Variants in GATA2 observed in about 807,000 individuals in gnomAD.
GATA2 encodes endothelial transcription factor GATA-2.
Under a neutral mutation model 35.7 loss-of-function variants are expected in GATA2, and 6 were observed. The observed-to-expected ratio is 0.17, with a 90% CI of 0.09 to 0.33. The LOEUF is 0.33. Among genes scored for constraint, GATA2 ranks in the 10% least tolerant of loss-of-function variants. The pLI is 1.00. For missense variants in GATA2, 541 were observed against 656.6 expected (o/e 0.82, Z 1.92); for synonymous variants, 313 against 274.9 (o/e 1.14, Z -1.37).
chr3:128,484,830 G>A (rs1263004626), intron 3 of GATA2, among the ~76,000 whole-genome samples: 2 of 152,138 alleles, frequency 1.3e-5, no homozygotes, highest in East Asian at 3.9e-4. Context: ...CAGGATCACT[G>A]GCTGGCATCG....
rs2068713540 is a variant in GATA2, at chr3:128,487,091, G to A, written c.-45-15C>T. ...CGGCAACGGCCCTGCGCGAGGAAGGGGGAGTGAGGCGTGCCGCCAGCGCCT... is the reference window on the plus strand; with the variant it reads ...CGGCAACGGCCCTGCGCGAGGAAGGAGGAGTGAGGCGTGCCGCCAGCGCCT... On this transcript the variant is annotated splice_polypyrimidine_tract_variant and intron_variant, in intron 1 of 5. Coordinates refer to ENST00000341105, the MANE Select transcript of GATA2 (RefSeq NM_032638.5). The A allele has an allele frequency of 5.7e-6, 8 of 1,400,030 alleles. No homozygotes were observed. Among genetic ancestry groups the A allele is most frequent in the South Asian group, 1.3e-5 (1 of 74,976 alleles). The allele number at this position is 1,400,030 out of a possible 1,614,324, so 86.7% of individuals were successfully genotyped here.
At chr3:128,483,801 T>C in intron 4 of GATA2, 59 bp downstream of exon 4, 3 of 1,612,088 alleles carry the variant, frequency 1.9e-6, no homozygotes, top group Non-Finnish European at 1.7e-6. Flanking sequence ...TTTTCCCCTG[T>C]AATTAACCGC....
rs1405092589 is a variant in GATA2, at chr3:128,486,215, G to A, written c.383C>T (p.Pro128Leu). The A allele has an allele frequency of 7.0e-6, 11 of 1,560,684 alleles. No individual in the cohort carries two copies. In the Admixed American group the frequency reaches 1.6e-4, roughly 22 times the overall value. Residue 128 changes from proline (P) to leucine (L), a missense_variant, in exon 3 of 6, where the codon CCC becomes CTC. Physicochemically the swap from Pro to Leu is moderately conservative, Grantham distance 98. Around this residue, in one of 5 missense-constraint regions of GATA2, gnomAD observed 389 missense variants for 396.9 expected, o/e 0.98. Coordinates refer to ENST00000341105, the MANE Select transcript of GATA2 (RefSeq NM_032638.5). ...GCCTCCAGGGCCTCCAGCAGCTGAG[G>A]GGTGCAGTGGCGTCTTGGAGAAGGG... Reference protein sequence around the residue: ...VSPFSKTPLHPSAAGGPGGPL... With the variant: ...VSPFSKTPLHLSAAGGPGGPL...
In GATA2 at chr3:128,481,937, G is replaced by A. The variant is rs143554523; in HGVS notation, c.1025C>T (p.Ala342Val). The change falls in exon 5 of 6, where the codon GCC (alanine) becomes GTC (valine). Residue 342 changes from alanine to valine, a missense_variant. By Grantham distance (64) the Ala-to-Val change is moderately conservative. Coordinates refer to ENST00000341105, the MANE Select transcript of GATA2 (RefSeq NM_032638.5). ...TGCACAACAGGTGCCGGCTCTTCTG[G>A]CGGCCGACTGGGAGGGCAAGGCAGC... ...LIKPKRRLSA[A>V]RRAGTCCANC... The A allele has an allele frequency of 6.8e-6, 11 of 1,613,452 alleles. No individual in the cohort carries two copies. Among genetic ancestry groups the A allele is most frequent in the Non-Finnish European group, 9.3e-6 (11 of 1,179,980 alleles).
At chr3:128,491,282 C>T (rs2068765131) in intron 1 of GATA2, among the ~76,000 whole-genome samples, 1 of 151,146 alleles carries the variant, frequency 6.6e-6, no homozygotes, top group Admixed American at 6.6e-5. Context: ...ATAAGTTTGC[C>T]CTCCCTTTGT....
Position 128,483,868 on chromosome 3 carries a change from G to T in GATA2, c.1009C>A (p.Arg337=). ...GQNRPLIKPK[R]RLSAARRAGT... is the part of the protein sequence containing the mutation. Reference sequence around the variant, plus strand: ...CCTGTGCCCGCTCCTACCAGTCTTCGCTTGGGCTTGATGAGTGGTCGGTTC... The same window carrying T: ...CCTGTGCCCGCTCCTACCAGTCTTCTCTTGGGCTTGATGAGTGGTCGGTTC... Residue 337 remains arginine (R), a synonymous_variant, in exon 4 of 6, where the codon CGA becomes AGA. Transcript: ENST00000341105. The T allele has an allele frequency of 1.2e-6, 2 of 1,614,134 alleles. No homozygotes were observed. Among genetic ancestry groups the T allele is most frequent in the Non-Finnish European group, 1.7e-6 (2 of 1,180,026 alleles).
chr3:128,490,170 C>T (rs2068754257), intron 1 of GATA2: 1 of 152,208 alleles, frequency 6.6e-6, no homozygotes, highest in Non-Finnish European at 1.5e-5. Context: ...GGCGTCTAAC[C>T]CCTCCGCGGC....
intron 1 of GATA2, among the ~76,000 whole-genome samples, chr3:128,491,218 CCCT>C (rs879423199): frequency 0.064 from 8,172 of 128,002 alleles, 890 homozygotes; most frequent in African/African-American, 0.16. Context: ...GCCCCCCCCC[CCCT>C]CTGAGCCCTT....
chr3:128,491,208 G>GGCCCCCCCCC (rs2068763066), intron 1 of GATA2, among the ~76,000 whole-genome samples: 1 of 107,456 alleles, frequency 9.3e-6, no homozygotes. Flanking sequence ...CGGCCGTCCA[G>GGCCCCCCCCC]CCCCCCCCCC....
At position 128,480,716 on chromosome 3, in the gene GATA2, A is replaced by T; in HGVS notation, c.*303T>A. ...TTTGCCTAATCCTTTTTCCTTCTAA[A>T]AATGGTTGCCTTCGTCTGTCCCGTC... On this transcript the variant is annotated 3_prime_UTR_variant, in exon 6 of 6. Coordinates refer to ENST00000341105, the MANE Select transcript of GATA2 (RefSeq NM_032638.5). The T allele has an allele frequency of 2.5e-6, 1 of 395,386 alleles. No individual in the cohort carries two copies. The highest frequency in any genetic ancestry group is 4.1e-5 in the Admixed American group (1 of 24,616). The allele number at this position is 395,386 out of a possible 1,614,324, so 24.5% of individuals were successfully genotyped here. A position where few individuals can be genotyped will look rare whatever the true frequency, so the allele number is the denominator to read the frequency against.
chr3:128,488,976 C>T lies in GATA2; in HGVS notation c.-45-1900G>A, dbSNP rs2068741267. On this transcript the variant is annotated intron_variant, in intron 1 of 5. Transcript: ENST00000341105. This position sits in a 1 kb window ranked among gnomAD's most constrained non-coding sequence, Gnocchi z 5.8. The stretch of plus-strand genomic sequence containing the variant: ...GCCGAGTACTGGGGGGACTCAACAG[C>T]GTCCTCCAGCCCTCTTCCCTGTTGG... Among the ~76,000 whole-genome samples the T allele has an allele frequency of 6.6e-6, 1 of 152,110 alleles. No homozygotes were observed. The highest frequency in any genetic ancestry group is 1.5e-5 in the Non-Finnish European group (1 of 68,012).
rs1373180685 is a variant in GATA2 at position 128,486,045 on chromosome 3, G to A, written c.553C>T (p.Pro185Ser). The A allele has an allele frequency of 1.2e-6, 2 of 1,614,150 alleles. No homozygotes were observed. The highest frequency in any genetic ancestry group is 1.7e-6 in the Non-Finnish European group (2 of 1,180,014). ...PTPPKEVSPD[P>S]STTGAASPAS... is the part of the protein sequence containing the mutation. The stretch of plus-strand genomic sequence containing the variant: ...GGAGACGCAGCCCCCGTGGTGCTAG[G>A]GTCAGGAGACACTTCTTTGGGTGGC... The change falls in exon 3 of 6, where the codon CCT becomes TCT. Residue 185 changes from proline to serine, a missense_variant. Pro to Ser is a moderately conservative substitution (Grantham distance 74). Around this residue, in one of 5 missense-constraint regions of GATA2, gnomAD observed 389 missense variants for 396.9 expected, o/e 0.98. Coordinates refer to ENST00000341105, the MANE Select transcript of GATA2 (RefSeq NM_032638.5).
In GATA2 at chr3:128,480,449, G is replaced by A. The variant is rs868031897; in HGVS notation, c.*570C>T. 16 of 237,450 alleles carry A rather than the reference G, an allele frequency of 6.7e-5. No individual in the cohort carries two copies. The highest frequency in any genetic ancestry group is 1.2e-3 in the Middle Eastern group (1 of 822). 14.7% of individuals were successfully genotyped at this position (237,450 alleles called of 1,614,324 possible). ...TCCAGGGCCTGGCCCGTCAAAGCAG[G>A]CACCAGCTCACCCTCCCTGGGCCGT... is the stretch of plus-strand genomic sequence containing the variant. On this transcript the variant is annotated 3_prime_UTR_variant, in exon 6 of 6. Transcript: ENST00000341105.
rs758953146 is a variant in GATA2, at chr3:128,483,840, C to T, written c.1017+20G>A. 2 of 1,614,142 alleles carry T rather than the reference C, an allele frequency of 1.2e-6. No individual in the cohort carries two copies. Among genetic ancestry groups the T allele is most frequent in the Non-Finnish European group, 1.7e-6 (2 of 1,180,024 alleles). Reference sequence around the variant, plus strand: ...CTCCTGCCCAGCAGCCCCCTCCCAGCCACCTGTGCCCGCTCCTACCAGTCT... The same window carrying T: ...CTCCTGCCCAGCAGCCCCCTCCCAGTCACCTGTGCCCGCTCCTACCAGTCT... On this transcript the variant is annotated intron_variant, in intron 4 of 5. Coordinates refer to ENST00000341105, the MANE Select transcript of GATA2 (RefSeq NM_032638.5).
chr3:128,486,091 G>A lies in GATA2; in HGVS notation c.507C>T (p.His169=), dbSNP rs1392717588. The change falls in exon 3 of 6, where the codon CAC becomes CAT. Residue 169 remains histidine (H), a synonymous_variant. Transcript: ENST00000341105. Reference sequence around the variant, plus strand: ...GTGGCGTGGGTGGGAAGCCGAAAAGGTGGGAGCCAGAGTGGGCTGCTGTAG... The same window carrying A: ...GTGGCGTGGGTGGGAAGCCGAAAAGATGGGAGCCAGAGTGGGCTGCTGTAG... The part of the protein sequence containing the change: ...LTPTAAHSGS[H]LFGFPPTPPK... 6.2e-7 allele frequency: 1 copy of A among 1,613,892 alleles called. No individual in the cohort carries two copies. The highest frequency in any genetic ancestry group is 8.5e-7 in the Non-Finnish European group (1 of 1,179,984).
intron 1 of GATA2, chr3:128,487,837 G>C (rs933372754): frequency 6.6e-6 from 1 of 152,398 alleles, no homozygotes; most frequent in Admixed American, 6.5e-5. Flanking sequence ...GGTAGGAGCT[G>C]GGGGTAGAGT....
At position 128,479,681 on chromosome 3, in the gene GATA2, C is replaced by A; in HGVS notation, c.*1338G>T. 1 of 233,696 alleles carries A rather than the reference C, an allele frequency of 4.3e-6. No individual in the cohort carries two copies. 14.5% of individuals were successfully genotyped at this position (233,696 alleles called of 1,614,324 possible). ...CTGCAGCGACTGCCCGCCCATATTG[C>A]ACTTGGTCACTACATCAGCACAATC... On this transcript the variant is annotated 3_prime_UTR_variant, in exon 6 of 6. Transcript: ENST00000341105.
At position 128,488,818 on chromosome 3, in the gene GATA2, A is replaced by C. The variant is rs780127119; in HGVS notation, c.-45-1742T>G. Among the ~76,000 whole-genome samples, 1 of 152,040 alleles carries C rather than the reference A, an allele frequency of 6.6e-6. No individual in the cohort carries two copies. Among genetic ancestry groups the C allele is most frequent in the East Asian group, 1.9e-4 (1 of 5,130 alleles). Reference sequence around the variant, plus strand: ...CACTTCTAGCCCGGAGATCGGCTCTATGGTTCGTGTGGGCCGGGCGCACAA... The same window carrying C: ...CACTTCTAGCCCGGAGATCGGCTCTCTGGTTCGTGTGGGCCGGGCGCACAA... On this transcript the variant is annotated intron_variant, in intron 1 of 5. Coordinates refer to ENST00000341105, the MANE Select transcript of GATA2 (RefSeq NM_032638.5). This position sits in a 1 kb window ranked among gnomAD's most constrained non-coding sequence, Gnocchi z 5.8.
In GATA2 at chr3:128,491,212, C is replaced by A. The variant is rs1177693255; in HGVS notation, c.-46+1687G>T. Among the ~76,000 whole-genome samples, 7 of 111,032 alleles carry A rather than the reference C, an allele frequency of 6.3e-5. 1 individual carries two copies. The highest frequency in any genetic ancestry group is 2.7e-4 in the South Asian group (1 of 3,656). The allele number at this position is 111,032 out of a possible 152,430, so 72.8% of individuals were successfully genotyped here. On this transcript the variant is annotated intron_variant, in intron 1 of 5. Transcript: ENST00000341105. ...CCAGGTCTCCCCGGCCGTCCAGCCC[C>A]CCCCCCCCTCTGAGCCCTTTGTTTA...
Sources: gnomAD v4.1 joint callset for allele counts (sites outside exome capture counted in the v4.1 genomes callset) on GRCh38, gnomAD v4.1.1 for gene constraint, gnomAD v4.1.1 regional missense constraint, Gnocchi (gnomAD v3.1) non-coding constraint, MANE v1.5 for transcripts, NCBI Gene and HGNC (gene_info 2026-07-23, HGNC 2026-07-21) for gene names.